BICC1: variants seen among roughly 807,000 people sequenced by gnomAD.
The protein encoded by BICC1 is BicC family RNA binding protein 1.
In BICC1, 43 loss-of-function variants were observed where a neutral mutation model predicts 111.0. The observed-to-expected ratio is 0.39, with a 90% CI of 0.30 to 0.50. The LOEUF is 0.50. Among genes scored for constraint, BICC1 ranks in the 20% least tolerant of loss-of-function variants. The pLI is 0.88. For missense variants in BICC1, 1,091 were observed against 1,203.2 expected, an observed-to-expected ratio of 0.91 and a Z score of 1.38; for synonymous variants, 467 against 434.4, an observed-to-expected ratio of 1.07 and a Z score of -0.93.
chr10:58,790,654 C>A (rs1843149190), intron 8 of BICC1, among the ~76,000 whole-genome samples: 1 of 151,962 alleles, frequency 6.6e-6, no homozygotes, highest in African/African-American at 2.4e-5. Context: ...AGTGAAACCC[C>A]ATTTCTACTA....
In BICC1 at chr10:58,830,392, T is replaced by C. The variant is rs1844521028; in HGVS notation, c.*1501T>C. On this transcript the variant is annotated 3_prime_UTR_variant, in exon 21 of 21. Transcript: ENST00000373886. ...GGAAATGTTGTCAAGTTACCTGTAC[T>C]GTAAAGAGTTATTTATGTTCAGTAG... The C allele has an allele frequency of 1.3e-5, 2 of 152,204 alleles. No homozygotes were observed. The highest frequency in any genetic ancestry group is 1.3e-4 in the Admixed American group (2 of 15,266). The allele number at this position is 152,204 out of a possible 1,614,324, so 9.4% of individuals were successfully genotyped here.
At chr10:58,569,308 G>A (rs1010834889) in intron 1 of BICC1, among the ~76,000 whole-genome samples, 1 of 152,072 alleles carries the variant, frequency 6.6e-6, no homozygotes, top group South Asian at 2.1e-4. Flanking sequence ...ATACAGTGTT[G>A]CATTTTTCTT....
intron 1 of BICC1, among the ~76,000 whole-genome samples, chr10:58,607,928 C>T (rs532398415): frequency 3.4e-4 from 52 of 152,088 alleles, no homozygotes; most frequent in Non-Finnish European, 5.9e-4. Flanking sequence ...ATCTTGAACT[C>T]GGAGGAAATA....
At chr10:58,758,531 C>A (rs190809915) in intron 3 of BICC1, among the ~76,000 whole-genome samples, 137 of 152,316 alleles carry the variant, frequency 9.0e-4, no homozygotes, top group African/African-American at 3.2e-3. Flanking sequence ...GACAAAAAGG[C>A]AGTTCACTGT....
In BICC1 at chr10:58,591,258, C is replaced by T. The variant is rs192317317; in HGVS notation, c.191-29597C>T. Among the ~76,000 whole-genome samples, 11 of 152,088 alleles carry T rather than the reference C, an allele frequency of 7.2e-5. No individual in the cohort carries two copies. In the East Asian group the frequency reaches 1.9e-3, roughly 27 times the overall value. ...TGTGACTTGGGTAGGGAAAGGGGGA[C>T]ACTTTCTTTGGTCAAGACGGAAAAA... is the stretch of plus-strand genomic sequence containing the variant. On this transcript the variant is annotated intron_variant, in intron 1 of 20. Transcript: ENST00000373886.
chr10:58,597,275 A>G (rs1191705981), intron 1 of BICC1, among the ~76,000 whole-genome samples: 1 of 152,102 alleles, frequency 6.6e-6, no homozygotes, highest in Non-Finnish European at 1.5e-5. Flanking sequence ...TAAGGGTTTC[A>G]AAAGGGGAGG....
chr10:58,640,263 T>C (rs1290295184), intron 2 of BICC1, among the ~76,000 whole-genome samples: 1 of 152,204 alleles, frequency 6.6e-6, no homozygotes, highest in African/African-American at 2.4e-5. Flanking sequence ...TCCTCGAGCA[T>C]TTTATTTGCT....
At chr10:58,736,204 G>A (rs901549826) in intron 3 of BICC1, among the ~76,000 whole-genome samples, 2 of 152,016 alleles carry the variant, frequency 1.3e-5, no homozygotes, top group Non-Finnish European at 2.9e-5. Context: ...AGTTCTATGT[G>A]GTCAATAAGT....
Position 58,513,109 on chromosome 10 carries a change from G to A in BICC1, c.-35G>A, listed in dbSNP as rs1401799382. On this transcript the variant is annotated 5_prime_UTR_variant, in exon 1 of 21. Coordinates refer to ENST00000373886, the MANE Select transcript of BICC1 (RefSeq NM_001080512.3). ...GAGGCGGCAGCGCAGGCAGAGCGGC[G>A]GCGGCAGCGGGAGCCCGAGCGCTGC... 7.4e-7 allele frequency: 1 copy of A among 1,356,072 alleles called. No individual in the cohort carries two copies. The allele number at this position is 1,356,072 out of a possible 1,614,324, so 84.0% of individuals were successfully genotyped here.
intron 1 of BICC1, among the ~76,000 whole-genome samples, chr10:58,607,802 T>C (rs1040487933): frequency 2.6e-5 from 4 of 152,230 alleles, no homozygotes; most frequent in Non-Finnish European, 5.9e-5. Context: ...AGTGAATAAC[T>C]GCTACATGGC....
intron 1 of BICC1, among the ~76,000 whole-genome samples, chr10:58,545,194 G>C (rs1441216716): frequency 6.6e-6 from 1 of 151,934 alleles, no homozygotes; most frequent in South Asian, 2.1e-4. Flanking sequence ...AAGAATTCAG[G>C]ATATACTCAT....
intron 3 of BICC1, among the ~76,000 whole-genome samples, chr10:58,768,033 A>G (rs570150531): frequency 1.3e-5 from 2 of 152,290 alleles, no homozygotes; most frequent in South Asian, 4.1e-4. Context: ...TCTTACTTAA[A>G]TAAATAATGG....
At chr10:58,584,594 C>T (rs183637822) in intron 1 of BICC1, among the ~76,000 whole-genome samples, 237 of 152,268 alleles carry the variant, frequency 1.6e-3, no homozygotes, top group African/African-American at 4.7e-3. Flanking sequence ...TCCTTTTCCT[C>T]ATTACACAGA....
intron 3 of BICC1, among the ~76,000 whole-genome samples, chr10:58,717,853 G>C (rs555773892): frequency 8.2e-4 from 125 of 152,182 alleles, no homozygotes; most frequent in African/African-American, 3.0e-3. Flanking sequence ...GGCAGGGGCT[G>C]GATTCTGGAA....
intron 3 of BICC1, among the ~76,000 whole-genome samples, chr10:58,736,106 A>C (rs1048899524): frequency 6.6e-6 from 1 of 152,164 alleles, no homozygotes; most frequent in Non-Finnish European, 1.5e-5. Context: ...TTCAGACCTG[A>C]CACCTGTGGA....
At chr10:58,634,610 G>A (rs561313543) in intron 2 of BICC1, among the ~76,000 whole-genome samples, 1 of 152,100 alleles carries the variant, frequency 6.6e-6, no homozygotes. Context: ...GTAAATTCTT[G>A]TTGGTCTCTA....
At chr10:58,772,643 T>C (rs1842649716) in intron 3 of BICC1, among the ~76,000 whole-genome samples, 2 of 152,112 alleles carry the variant, frequency 1.3e-5, no homozygotes, top group Non-Finnish European at 2.9e-5. Flanking sequence ...TGAAAATCAG[T>C]AGATACACTC....
At chr10:58,671,960 A>G (rs920818270) in intron 2 of BICC1, among the ~76,000 whole-genome samples, 3 of 152,244 alleles carry the variant, frequency 2.0e-5, no homozygotes, top group Non-Finnish European at 4.4e-5. Flanking sequence ...TTTGTCGTCT[A>G]TGACTTTGTT....
intron 2 of BICC1, among the ~76,000 whole-genome samples, chr10:58,699,702 T>C (rs1381405847): frequency 6.9e-6 from 1 of 145,964 alleles, no homozygotes; most frequent in East Asian, 2.0e-4. Flanking sequence ...TCTTTCTTTC[T>C]TTTTTTTTTT....
Sources: gnomAD v4.1 joint callset for allele counts (sites outside exome capture counted in the v4.1 genomes callset) on GRCh38, gnomAD v4.1.1 for gene constraint, MANE v1.5 for transcripts, NCBI Gene and HGNC (gene_info 2026-07-23, HGNC 2026-07-21) for gene names.